The following ANO10 variants were observed in gnomAD, a reference collection of about 807,000 sequenced individuals.
ANO10 encodes anoctamin 10, also known as anoctamin-10.
Under a neutral mutation model 74.7 loss-of-function variants are expected in ANO10, and 77 were observed. The observed-to-expected ratio is 1.03, with a 90% CI of 0.86 to 1.25. The LOEUF (loss-of-function observed/expected upper bound fraction) is 1.25, where lower values mean the gene tolerates loss of function less well. ANO10 is among the 50% of genes most tolerant of loss of function. The pLI is 0.00. For synonymous variants in ANO10, 279 were observed against 284.9 expected, an observed-to-expected ratio of 0.98 and a Z score of 0.21; for missense variants, 721 against 778.1, an observed-to-expected ratio of 0.93 and a Z score of 0.87.
At position 43,607,980 on chromosome 3, in the gene ANO10, C is replaced by T. The variant is rs116787098; in HGVS notation, c.-11-2117G>A. ...CTGAGGACAAAAAATGAAGAAAACA[C>T]GTAAAAAGAGTAAAAGACAAGGAAC... On this transcript the variant is annotated intron_variant, in intron 1 of 12. Transcript: ENST00000292246. Among the ~76,000 whole-genome samples the T allele has an allele frequency of 8.6e-3, 1,313 of 151,904 alleles. 11 individuals are homozygous for T. The highest frequency in any genetic ancestry group is 0.014 in the Non-Finnish European group (925 of 67,966).
chr3:43,381,580 T>C (rs762943395), intron 12 of ANO10, among the ~76,000 whole-genome samples: 16 of 152,272 alleles, frequency 1.1e-4, no homozygotes, highest in Admixed American at 3.3e-4. Flanking sequence ...CAATTACTCC[T>C]AGACCTAAGA....
chr3:43,579,447 G>A (rs1398763131), intron 5 of ANO10, among the ~76,000 whole-genome samples: 1 of 152,210 alleles, frequency 6.6e-6, no homozygotes, highest in Non-Finnish European at 1.5e-5. Context: ...GCTGGGCACG[G>A]TGGCTCACAC....
Position 43,366,896 on chromosome 3 carries a change from C to T in ANO10, c.*10G>A, listed in dbSNP as rs377647762. ...CCTCTGCCAACAGGGCAGCTGGGCA[C>T]GCTGGGCACTCAGGTTGCCTTCTCC... On this transcript the variant is annotated 3_prime_UTR_variant, in exon 13 of 13. Transcript: ENST00000292246. 3.6e-5 allele frequency: 57 copies of T among 1,579,484 alleles called. No homozygotes were observed. Among genetic ancestry groups the T allele is most frequent in the Middle Eastern group, 3.8e-4 (2 of 5,284 alleles).
intron 11 of ANO10, among the ~76,000 whole-genome samples, chr3:43,466,933 A>G (rs929063453): frequency 1.3e-5 from 2 of 152,236 alleles, no homozygotes; most frequent in Non-Finnish European, 2.9e-5. Context: ...TGCAACAAAA[A>G]TGAGCATAAA....
chr3:43,420,490 CAAAGGAAAAAGACAAAGAAAAAGA>C (rs1489603517), intron 12 of ANO10, among the ~76,000 whole-genome samples: 1 of 149,634 alleles, frequency 6.7e-6, no homozygotes, highest in Non-Finnish European at 1.5e-5. Flanking sequence ...AAAGCAAAAG[CAAAGGAAAAAGACAAAGAAAAAGA>C]AAAGGAAAAA....
At position 43,453,179 on chromosome 3, in the gene ANO10, C is replaced by CTT. The variant is rs36070589; in HGVS notation, c.1798-20454_1798-20453dup. Among the ~76,000 whole-genome samples the CTT allele has an allele frequency of 4.8e-3, 621 of 130,482 alleles. 9 individuals carry two copies. Among genetic ancestry groups the CTT allele is most frequent in the African/African-American group, 0.016 (586 of 37,618 alleles). The allele number at this position is 130,482 out of a possible 152,430, so 85.6% of individuals were successfully genotyped here. A position where few individuals can be genotyped will look rare whatever the true frequency, so the allele number is the denominator to read the frequency against. ...AAGCCCAGTTTATCTTCTTTTCCCC[C>CTT]TTTTTTTTTTTTTTTTTGAGACGGA... On this transcript the variant is annotated intron_variant, in intron 11 of 12. Transcript: ENST00000292246.
intron 12 of ANO10, among the ~76,000 whole-genome samples, chr3:43,382,526 A>G (rs1354055690): frequency 6.6e-6 from 1 of 151,976 alleles, no homozygotes; most frequent in Non-Finnish European, 1.5e-5. Flanking sequence ...CTCAAAAAAA[A>G]AAAAAAAGAA....
chr3:43,493,254 C>T (rs1219412360), intron 11 of ANO10, among the ~76,000 whole-genome samples: 4 of 152,092 alleles, frequency 2.6e-5, no homozygotes, highest in Non-Finnish European at 5.9e-5. Context: ...GGGAGGGCGA[C>T]ATCACACACC....
At chr3:43,543,600 G>A (rs1437749660) in intron 11 of ANO10, among the ~76,000 whole-genome samples, 1 of 152,140 alleles carries the variant, frequency 6.6e-6, no homozygotes, top group African/African-American at 2.4e-5. Context: ...GTGTTAGCCA[G>A]GATGGTCTTG....
chr3:43,568,276 C>T (rs1232926352), intron 7 of ANO10, among the ~76,000 whole-genome samples: 16 of 152,046 alleles, frequency 1.1e-4, no homozygotes, highest in South Asian at 4.1e-4. Context: ...GACAGATCAA[C>T]GAGACAGAAA....
chr3:43,539,876 G>A (rs575263882), intron 11 of ANO10, among the ~76,000 whole-genome samples: 1 of 152,126 alleles, frequency 6.6e-6, no homozygotes, highest in Non-Finnish European at 1.5e-5. Context: ...TCTTGCAGAG[G>A]GGTGAGACTT....
chr3:43,551,172 T>G (rs891302913), intron 10 of ANO10, among the ~76,000 whole-genome samples: 1 of 152,240 alleles, frequency 6.6e-6, no homozygotes, highest in Non-Finnish European at 1.5e-5. Flanking sequence ...GGTGATCTTA[T>G]AAGTACATCA....
intron 11 of ANO10, among the ~76,000 whole-genome samples, chr3:43,524,048 T>C (rs1437617786): frequency 6.6e-6 from 1 of 151,450 alleles, no homozygotes; most frequent in Non-Finnish European, 1.5e-5. Flanking sequence ...ACACCTGGAG[T>C]AGATGAGCAC....
At position 43,576,933 on chromosome 3, in the gene ANO10, G is replaced by C. The variant is rs748978132; in HGVS notation, c.921C>G (p.Ser307Arg). The C allele has an allele frequency of 6.2e-7, 1 of 1,614,056 alleles. No homozygotes were observed. Among genetic ancestry groups the C allele is most frequent in the Admixed American group, 1.7e-5 (1 of 60,008 alleles). ...GGTAAATGCGCAACTGTCTCTTGTA[G>C]CTGGGGTACAGAGGCTCCTCCTTCC... ...ITGKEEPLYP[S>R]YKRQLRIYLV... Residue 307 changes from serine (S) to arginine (R), a missense_variant, in exon 6 of 13, where the codon AGC becomes AGG. Physicochemically the swap from Ser to Arg is moderately radical, Grantham distance 110 (BLOSUM62 -1). Coordinates refer to ENST00000292246, the MANE Select transcript of ANO10 (RefSeq NM_018075.5).
chr3:43,656,385 G>T (rs1264462594), intron 1 of ANO10, among the ~76,000 whole-genome samples: 1 of 152,244 alleles, frequency 6.6e-6, no homozygotes, highest in Non-Finnish European at 1.5e-5. Context: ...CCGCACAGGG[G>T]CTGCAGGTGG....
intron 12 of ANO10, among the ~76,000 whole-genome samples, chr3:43,378,094 T>C (rs904628917): frequency 1.3e-5 from 2 of 152,194 alleles, no homozygotes; most frequent in Non-Finnish European, 2.9e-5. Flanking sequence ...CTAAATGAAA[T>C]GCAGGAGACA....
At chr3:43,456,806 T>G (rs1179460319) in intron 11 of ANO10, among the ~76,000 whole-genome samples, 4 of 152,236 alleles carry the variant, frequency 2.6e-5, no homozygotes, top group Non-Finnish European at 5.9e-5. Context: ...ATCATTTTAA[T>G]TTTGTGTAAT....
At chr3:43,369,819 G>A (rs985311194) in intron 12 of ANO10, among the ~76,000 whole-genome samples, 13 of 152,314 alleles carry the variant, frequency 8.5e-5, no homozygotes, top group Non-Finnish European at 1.5e-4. Flanking sequence ...CGATTTGGAG[G>A]AAATGAGCTG....
intron 7 of ANO10, among the ~76,000 whole-genome samples, chr3:43,567,440 C>A (rs917910002): frequency 3.3e-5 from 5 of 152,056 alleles, no homozygotes; most frequent in African/African-American, 1.2e-4. Flanking sequence ...AGAGAAAGGT[C>A]GGGTTACCCT....
Sources: allele counts gnomAD v4.1 joint callset (sites outside exome capture counted in the v4.1 genomes callset), GRCh38; gene constraint gnomAD v4.1.1; transcripts MANE v1.5; gene names NCBI Gene and HGNC (gene_info 2026-07-23, HGNC 2026-07-21).